The following EVI5 variants were observed in gnomAD, a reference collection of about 807,000 sequenced individuals.
EVI5 encodes the protein ecotropic viral integration site 5 protein homolog.
A neutral mutation model predicts 112.0 loss-of-function variants in EVI5; 73 were observed. The ratio of observed to expected loss-of-function variants is 0.65; its 90% CI spans 0.54 to 0.79. The LOEUF is 0.79. EVI5 is among the 30% of genes least tolerant of loss of function. The pLI is 0.00. For missense variants in EVI5, 900 were observed against 968.8 expected, an observed-to-expected ratio of 0.93 and a Z score of 0.94; for synonymous variants, 305 against 319.9, an observed-to-expected ratio of 0.95 and a Z score of 0.50.
intron 19 of EVI5, among the ~76,000 whole-genome samples, chr1:92,553,972 T>G (rs560355367): frequency 6.6e-6 from 1 of 152,342 alleles, no homozygotes; most frequent in East Asian, 1.9e-4. Flanking sequence ...CATATATGAA[T>G]TGGATTGACT....
chr1:92,579,397 C>T (rs1571666106), intron 18 of EVI5, among the ~76,000 whole-genome samples: 4 of 152,186 alleles, frequency 2.6e-5, no homozygotes, highest in South Asian at 2.1e-4. Context: ...TAATTACTTA[C>T]GAATCCCTTC....
At chr1:92,635,371 G>A (rs562415238) in intron 14 of EVI5, among the ~76,000 whole-genome samples, 6 of 152,112 alleles carry the variant, frequency 3.9e-5, no homozygotes, top group South Asian at 4.1e-4. Flanking sequence ...CTCAAGCCTC[G>A]GCAATGGCAG....
At chr1:92,746,849 C>T (rs1173318650) in intron 1 of EVI5, among the ~76,000 whole-genome samples, 1 of 149,476 alleles carries the variant, frequency 6.7e-6, no homozygotes, top group East Asian at 2.0e-4. Flanking sequence ...GAACTGTGAT[C>T]ATACCACTGC....
intron 18 of EVI5, among the ~76,000 whole-genome samples, chr1:92,590,988 C>T (rs1359837278): frequency 6.6e-6 from 1 of 152,102 alleles, no homozygotes; most frequent in Admixed American, 6.5e-5. Flanking sequence ...AATTTTCAAC[C>T]CAGAATTTCA....
At chr1:92,754,409 A>G (rs1276643755) in intron 1 of EVI5, among the ~76,000 whole-genome samples, 1 of 152,180 alleles carries the variant, frequency 6.6e-6, no homozygotes, top group African/African-American at 2.4e-5. Context: ...TCTCTCATCC[A>G]TTACTACCAA....
chr1:92,528,490 C>T (rs1662300857), intron 19 of EVI5, among the ~76,000 whole-genome samples: 1 of 152,232 alleles, frequency 6.6e-6, no homozygotes, highest in Non-Finnish European at 1.5e-5. Context: ...ATACATTACA[C>T]CAAAAATTTT....
intron 14 of EVI5, among the ~76,000 whole-genome samples, chr1:92,632,097 G>T (rs1321450603): frequency 6.6e-6 from 1 of 152,122 alleles, no homozygotes; most frequent in Admixed American, 6.5e-5. Context: ...TTTTATTGAG[G>T]ATTTTCACAT....
At chr1:92,529,992 T>C (rs182745590) in intron 19 of EVI5, among the ~76,000 whole-genome samples, 2 of 152,302 alleles carry the variant, frequency 1.3e-5, no homozygotes, top group Admixed American at 1.3e-4. Context: ...TGATTTGACA[T>C]TAGAGCTAAA....
At chr1:92,611,579 G>A (rs1250088634) in intron 16 of EVI5, among the ~76,000 whole-genome samples, 2 of 150,824 alleles carry the variant, frequency 1.3e-5, no homozygotes, top group East Asian at 3.9e-4. Flanking sequence ...GCGGGCGCCT[G>A]TACTCCCAAC....
At chr1:92,627,271 T>C (rs1655891542) in intron 14 of EVI5, among the ~76,000 whole-genome samples, 1 of 152,236 alleles carries the variant, frequency 6.6e-6, no homozygotes, top group Non-Finnish European at 1.5e-5. Context: ...TGCTTGGTTT[T>C]CCATTCCTGA....
At chr1:92,514,180 G>A (rs939678375) in intron 19 of EVI5, among the ~76,000 whole-genome samples, 1 of 152,090 alleles carries the variant, frequency 6.6e-6, no homozygotes, top group Admixed American at 6.6e-5. Context: ...ACAGGTCTCA[G>A]TCTCACTTTG....
intron 18 of EVI5, among the ~76,000 whole-genome samples, chr1:92,601,732 T>TA (rs1649222732): frequency 6.6e-6 from 1 of 151,896 alleles, no homozygotes; most frequent in South Asian, 2.1e-4. Flanking sequence ...TGGAAGATGT[T>TA]AAAAAAAATT....
intron 18 of EVI5, among the ~76,000 whole-genome samples, chr1:92,587,622 T>C (rs1254049210): frequency 6.6e-6 from 1 of 152,228 alleles, no homozygotes; most frequent in Non-Finnish European, 1.5e-5. Flanking sequence ...CCTCATTCTA[T>C]GTCAGAACAG....
At chr1:92,778,817 T>G (rs575572071) in intron 1 of EVI5, among the ~76,000 whole-genome samples, 1 of 152,214 alleles carries the variant, frequency 6.6e-6, no homozygotes, top group South Asian at 2.1e-4. Flanking sequence ...TTTCTAGAAT[T>G]TTTTGCCATG....
intron 19 of EVI5, among the ~76,000 whole-genome samples, chr1:92,536,850 A>G (rs1557735917): frequency 6.6e-6 from 1 of 152,150 alleles, no homozygotes. Flanking sequence ...AAAAAATTAC[A>G]GTTGATTTTT....
chr1:92,665,793 G>T (rs1664782917), intron 11 of EVI5, 146 bp downstream of exon 11: 2 of 514,832 alleles, frequency 3.9e-6, no homozygotes, highest in East Asian at 6.4e-5. Flanking sequence ...AAGTTATCTG[G>T]CTAAATAAAT....
At chr1:92,776,154 G>A (rs1316724935) in intron 1 of EVI5, among the ~76,000 whole-genome samples, 4 of 151,350 alleles carry the variant, frequency 2.6e-5, no homozygotes, top group African/African-American at 4.9e-5. Context: ...TGTAGAGCTC[G>A]CAGGTTTTTA....
chr1:92,624,415 C>T, intron 15 of EVI5, 81 bp from the exon 16 acceptor site: 1 of 1,116,392 alleles, frequency 9.0e-7, no homozygotes, highest in Non-Finnish European at 1.3e-6. Context: ...TTATTTCAGG[C>T]CTGTGATATA....
intron 1 of EVI5, among the ~76,000 whole-genome samples, chr1:92,740,603 T>C (rs1328617207): frequency 6.6e-6 from 1 of 152,214 alleles, no homozygotes; most frequent in Non-Finnish European, 1.5e-5. Context: ...TTTGGTTTTA[T>C]TTTTTATTGG....
Sources: gnomAD v4.1 joint callset for allele counts (sites outside exome capture counted in the v4.1 genomes callset) on GRCh38, gnomAD v4.1.1 for gene constraint, MANE v1.5 for transcripts, NCBI Gene and HGNC (gene_info 2026-07-23, HGNC 2026-07-21) for gene names.